Variants in TSNARE1 observed in about 807,000 individuals in gnomAD.
TSNARE1 encodes the protein t-SNARE domain containing 1.
Under a neutral mutation model 62.0 loss-of-function variants are expected in TSNARE1, and 49 were observed. The ratio of observed to expected loss-of-function variants is 0.79; its 90% CI spans 0.63 to 1.00. The LOEUF (loss-of-function observed/expected upper bound fraction) is 1.00. Among genes scored for constraint, TSNARE1 ranks in the 50% least tolerant of loss-of-function variants. The pLI, the probability that TSNARE1 is intolerant of heterozygous loss-of-function variation, is 0.00. For missense variants in TSNARE1, 755 were observed against 700.1 expected (o/e 1.08, Z -0.88); for synonymous variants, 328 against 294.4 (o/e 1.11, Z -1.17).
chr8:142,331,035 T>C (rs2132015632), intron 5 of TSNARE1, 65 bp from the exon 6 acceptor site: 1 of 1,475,220 alleles, frequency 6.8e-7, no homozygotes, highest in South Asian at 1.1e-5. Flanking sequence ...CTACTCCATA[T>C]GGGTGGCCCC....
intron 13 of TSNARE1, among the ~76,000 whole-genome samples, chr8:142,219,144 T>C (rs7835145): frequency 2.4e-4 from 37 of 152,158 alleles, no homozygotes; most frequent in African/African-American, 8.9e-4. Flanking sequence ...TGGGTGGTGC[T>C]TCCCTGGGGT....
At chr8:142,403,457 G>A (rs1361177414), upstream of TSNARE1, among the ~76,000 whole-genome samples, 2 of 152,064 alleles carry the variant, frequency 1.3e-5, no homozygotes, top group Admixed American at 6.5e-5. Context: ...CGGCGGCCCG[G>A]CGCTGAGGCG....
At position 142,365,602 on chromosome 8, in the gene TSNARE1, G is replaced by GCGCACACACACA. The variant is rs149020570; in HGVS notation, c.-39-10840_-39-10839insTGTGTGTGTGCG. ...AAACCATCCATAAACACATGCACAC[G>GCGCACACACACA]CACACACACACACACACACACACAC... is the stretch of plus-strand genomic sequence containing the variant. On this transcript the variant is annotated intron_variant, in intron 1 of 13. Transcript: ENST00000524325. Among the ~76,000 whole-genome samples, 120 of 144,508 alleles carry GCGCACACACACA rather than the reference G, an allele frequency of 8.3e-4. 1 individual carries two copies. The highest frequency in any genetic ancestry group is 6.6e-3 in the South Asian group (29 of 4,392). The allele number at this position is 144,508 out of a possible 152,430, so 94.8% of individuals were successfully genotyped here.
chr8:142,296,055 C>G (rs1159026906), intron 10 of TSNARE1, among the ~76,000 whole-genome samples: 1 of 23,126 alleles, frequency 4.3e-5, no homozygotes, highest in African/African-American at 2.2e-4. Context: ...GGGGTGATGA[C>G]TGTCATGGGG....
At chr8:142,355,375 G>A (rs925052294) in intron 1 of TSNARE1, among the ~76,000 whole-genome samples, 2 of 152,228 alleles carry the variant, frequency 1.3e-5, no homozygotes, top group East Asian at 1.9e-4. Flanking sequence ...GAGGACCTGC[G>A]TCTTAGGGCT....
At chr8:142,271,484 G>C in intron 12 of TSNARE1, 2 of 1,294,600 alleles carry the variant, frequency 1.5e-6, no homozygotes, top group Non-Finnish European at 2.0e-6. Flanking sequence ...GGGAGGTGCT[G>C]GCGCCGAAGA....
At chr8:142,362,494 T>TA (rs1563986679) in intron 1 of TSNARE1, among the ~76,000 whole-genome samples, 1 of 152,148 alleles carries the variant, frequency 6.6e-6, no homozygotes, top group African/African-American at 2.4e-5. Flanking sequence ...GGGGAGTCTG[T>TA]AAGGAAAGAG....
chr8:142,269,567 G>T, intron 12 of TSNARE1: 3 of 983,780 alleles, frequency 3.0e-6, no homozygotes, highest in Non-Finnish European at 3.6e-6. Flanking sequence ...GGCCTCAAGT[G>T]ATCTTCCTGC....
chr8:142,292,185 C>G (rs1422484524), intron 10 of TSNARE1, among the ~76,000 whole-genome samples: 1 of 152,074 alleles, frequency 6.6e-6, no homozygotes, highest in African/African-American at 2.4e-5. Context: ...CAACACGAGA[C>G]AGGGGCAGAC....
chr8:142,268,774 G>A (rs528623784), intron 12 of TSNARE1, among the ~76,000 whole-genome samples: 47 of 152,276 alleles, frequency 3.1e-4, no homozygotes, highest in African/African-American at 5.8e-4. Flanking sequence ...AAACACAAGC[G>A]TGATGGGGGG....
At chr8:142,328,828 GA>G (rs57940090) in intron 6 of TSNARE1, among the ~76,000 whole-genome samples, 21,783 of 64,450 alleles carry the variant, frequency 0.34, 2,622 homozygotes, top group South Asian at 0.48. Flanking sequence ...TGGGGGGGGG[GA>G]GGGTTCCGCA....
intron 4 of TSNARE1, among the ~76,000 whole-genome samples, chr8:142,340,899 G>A (rs11994696): frequency 0.48 from 72,881 of 152,254 alleles, 20,393 homozygotes; most frequent in African/African-American, 0.77. Flanking sequence ...GGAAGCCACA[G>A]CACAGCATGG....
At chr8:142,226,375 C>G (rs1008941013) in intron 13 of TSNARE1, among the ~76,000 whole-genome samples, 1 of 152,206 alleles carries the variant, frequency 6.6e-6, no homozygotes, top group African/African-American at 2.4e-5. Flanking sequence ...GGGGTCCTCT[C>G]TGCAGCCCGG....
Position 142,300,479 on chromosome 8 carries a change from GCCTCACCT to G in TSNARE1, c.1289_1290+6del, listed in dbSNP as rs773641462. On this transcript the variant is annotated splice_donor_variant and splice_donor_5th_base_variant and coding_sequence_variant and intron_variant, in exon 10 of 14. Transcript: ENST00000524325. LOFTEE classifies it high-confidence loss of function. ...AGAGTGAGCACGCTTGCCCACGCCA[GCCTCACCT>G]CCATCTGCAGGATGGCCTCCTCCCG... 29 of 1,598,956 alleles carry G rather than the reference GCCTCACCT, an allele frequency of 1.8e-5. No homozygotes were observed. Among genetic ancestry groups the G allele is most frequent in the Non-Finnish European group, 2.1e-5 (25 of 1,176,762 alleles).
intron 13 of TSNARE1, among the ~76,000 whole-genome samples, chr8:142,227,629 A>G (rs1359180504): frequency 6.6e-6 from 1 of 152,236 alleles, no homozygotes; most frequent in East Asian, 1.9e-4. Flanking sequence ...AGGTAAGGCC[A>G]CCTGGGGTCT....
chr8:142,378,798 C>T (rs995016803), intron 1 of TSNARE1, among the ~76,000 whole-genome samples: 3 of 152,202 alleles, frequency 2.0e-5, no homozygotes, highest in African/African-American at 7.2e-5. Context: ...TCAAGGCGCA[C>T]GGGCGTGTTA....
chr8:142,382,522 G>A (rs1211641025), intron 1 of TSNARE1, among the ~76,000 whole-genome samples: 1 of 151,964 alleles, frequency 6.6e-6, no homozygotes, highest in Non-Finnish European at 1.5e-5. Flanking sequence ...GGGGCAGGGA[G>A]CACCCCTGCA....
chr8:142,306,474 A>G lies in TSNARE1; in HGVS notation c.1132-5830T>C, dbSNP rs1826686376. Among the ~76,000 whole-genome samples, 3 of 152,346 alleles carry G rather than the reference A, an allele frequency of 2.0e-5. No homozygotes were observed. In the South Asian group the frequency reaches 6.2e-4, roughly 32 times the overall value. On this transcript the variant is annotated intron_variant, in intron 9 of 13. Coordinates refer to ENST00000524325, the MANE Select transcript of TSNARE1 (RefSeq NM_145003.5). ...GGACTGGGATGCTGCTCACTGGCTGAGCCCAAGCTGGGTCTGAGACTGACC... is the reference window on the plus strand; with the variant it reads ...GGACTGGGATGCTGCTCACTGGCTGGGCCCAAGCTGGGTCTGAGACTGACC...
intron 12 of TSNARE1, among the ~76,000 whole-genome samples, chr8:142,252,790 G>A (rs1248275463): frequency 7.2e-5 from 11 of 152,066 alleles, no homozygotes; most frequent in South Asian, 6.2e-4. Context: ...CCTCAGCCCC[G>A]AGCCCCCATC....
Sources: allele counts gnomAD v4.1 joint callset (sites outside exome capture counted in the v4.1 genomes callset), GRCh38; gene constraint gnomAD v4.1.1; transcripts MANE v1.5; gene names NCBI Gene and HGNC (gene_info 2026-07-23, HGNC 2026-07-21).